SNTG1: variants seen among roughly 807,000 people sequenced by gnomAD.
SNTG1 encodes syntrophin gamma 1, also known as gamma-1-syntrophin.
SNTG1 carries 39 observed loss-of-function variants against 74.7 expected under a neutral mutation model. The ratio of observed to expected loss-of-function variants is 0.52; its 90% confidence interval spans 0.40 to 0.68. SNTG1 has a LOEUF of 0.68. Among genes scored for constraint, SNTG1 ranks in the 30% least tolerant of loss-of-function variants. The pLI is 0.00. For synonymous variants in SNTG1, 254 were observed against 217.1 expected (o/e 1.17, Z -1.49); for missense variants, 685 against 609.5 (o/e 1.12, Z -1.30).
intron 8 of SNTG1, among the ~76,000 whole-genome samples, chr8:50,501,994 T>C (rs1248789940): frequency 1.3e-5 from 2 of 152,258 alleles, no homozygotes; most frequent in East Asian, 3.9e-4. Flanking sequence ...CTTGTTCTTT[T>C]AATTTTTTTT....
intron 13 of SNTG1, among the ~76,000 whole-genome samples, chr8:50,652,481 T>A (rs1471758227): frequency 6.6e-6 from 1 of 152,074 alleles, no homozygotes; most frequent in African/African-American, 2.4e-5. Flanking sequence ...GTTCCATCCG[T>A]TTTTCATTTT....
At chr8:50,104,769 T>C (rs1405124956) in intron 1 of SNTG1, among the ~76,000 whole-genome samples, 1 of 152,196 alleles carries the variant, frequency 6.6e-6, no homozygotes, top group Non-Finnish European at 1.5e-5. Context: ...TGTGTCTTTG[T>C]TCTTGTTGGT....
At chr8:50,288,074 G>A (rs975506326) in intron 2 of SNTG1, among the ~76,000 whole-genome samples, 1 of 152,074 alleles carries the variant, frequency 6.6e-6, no homozygotes, top group African/African-American at 2.4e-5. Context: ...ATACCAGGAT[G>A]CACTCACTTA....
At chr8:50,612,333 A>T (rs2094856406) in intron 13 of SNTG1, among the ~76,000 whole-genome samples, 1 of 152,074 alleles carries the variant, frequency 6.6e-6, no homozygotes, top group Non-Finnish European at 1.5e-5. Context: ...CTTTAGATCT[A>T]GTAGAATCCT....
At chr8:50,460,730 A>G (rs960340395) in intron 8 of SNTG1, among the ~76,000 whole-genome samples, 2 of 152,094 alleles carry the variant, frequency 1.3e-5, no homozygotes, top group African/African-American at 2.4e-5. Flanking sequence ...AGCACCATTT[A>G]TTGAATAGGG....
At chr8:49,961,466 T>C (rs980308159) in intron 1 of SNTG1, among the ~76,000 whole-genome samples, 1 of 152,244 alleles carries the variant, frequency 6.6e-6, no homozygotes, top group Non-Finnish European at 1.5e-5. Flanking sequence ...AACATAATCA[T>C]TCTTGCATCC....
intron 1 of SNTG1, among the ~76,000 whole-genome samples, chr8:49,984,285 A>G (rs183216748): frequency 2.0e-5 from 3 of 151,752 alleles, no homozygotes; most frequent in African/African-American, 7.3e-5. Flanking sequence ...GGCTCACTGC[A>G]TCTTCCGCCT....
At chr8:49,918,153 G>A (rs1031950548) in intron 1 of SNTG1, among the ~76,000 whole-genome samples, 1 of 152,040 alleles carries the variant, frequency 6.6e-6, no homozygotes, top group African/African-American at 2.4e-5. Context: ...TGATGAAAAG[G>A]TTCATCTTAA....
At chr8:49,961,945 G>C (rs548491438) in intron 1 of SNTG1, among the ~76,000 whole-genome samples, 1 of 152,182 alleles carries the variant, frequency 6.6e-6, no homozygotes, top group Non-Finnish European at 1.5e-5. Context: ...TTACAAAAGG[G>C]ATTTGTAATT....
chr8:50,701,514 T>C (rs1352748026), intron 15 of SNTG1, among the ~76,000 whole-genome samples: 1 of 152,166 alleles, frequency 6.6e-6, no homozygotes, highest in Admixed American at 6.5e-5. Flanking sequence ...TTTCAGCCAC[T>C]GTTTAAAATT....
chr8:49,983,147 A>G (rs1563429778), intron 1 of SNTG1, among the ~76,000 whole-genome samples: 3 of 152,152 alleles, frequency 2.0e-5, no homozygotes, highest in South Asian at 2.1e-4. Context: ...TAGTTATGCA[A>G]TCATTTTGAT....
chr8:50,424,693 A>C (rs2093139741), intron 4 of SNTG1, among the ~76,000 whole-genome samples: 1 of 152,234 alleles, frequency 6.6e-6, no homozygotes, highest in Non-Finnish European at 1.5e-5. Context: ...TAAAAATCAC[A>C]CTATCTTATG....
rs985137721 is a variant in SNTG1 at position 49,983,658 on chromosome 8, A to G, written c.-103+71427A>G. Reference sequence around the variant, plus strand: ...CCTGACTTACCAGCTGAAGGCCAACATGGGTCCTTGTCAGTCACAGCAACC... The same window carrying G: ...CCTGACTTACCAGCTGAAGGCCAACGTGGGTCCTTGTCAGTCACAGCAACC... On this transcript the variant is annotated intron_variant, in intron 1 of 18. Coordinates refer to ENST00000642720, the MANE Select transcript of SNTG1 (RefSeq NM_018967.5). 2.6e-5 allele frequency among the ~76,000 whole-genome samples: 4 copies of G among 152,176 alleles called. No individual in the cohort carries two copies. In the East Asian group the frequency reaches 5.8e-4, roughly 22 times the overall value.
At chr8:50,482,390 G>A (rs776680304) in intron 8 of SNTG1, among the ~76,000 whole-genome samples, 2 of 152,084 alleles carry the variant, frequency 1.3e-5, no homozygotes, top group Admixed American at 6.5e-5. Flanking sequence ...CCCCGTCCCC[G>A]CCTACTTACC....
chr8:50,788,286 T>G (rs2095681510), intron 18 of SNTG1, among the ~76,000 whole-genome samples: 1 of 152,044 alleles, frequency 6.6e-6, no homozygotes, highest in African/African-American at 2.4e-5. Flanking sequence ...AACATAATAA[T>G]GCTATTAAGC....
chr8:50,428,410 T>A (rs1587591761), intron 4 of SNTG1, among the ~76,000 whole-genome samples: 1 of 152,212 alleles, frequency 6.6e-6, no homozygotes, highest in South Asian at 2.1e-4. Context: ...CACCACTAAC[T>A]GACCTTGGTA....
intron 1 of SNTG1, among the ~76,000 whole-genome samples, chr8:49,914,122 A>G (rs534048643): frequency 1.3e-5 from 2 of 152,036 alleles, no homozygotes; most frequent in East Asian, 1.9e-4. Flanking sequence ...CTTAATGCCT[A>G]CCAATGCTAA....
intron 13 of SNTG1, among the ~76,000 whole-genome samples, chr8:50,593,667 A>G (rs2094707194): frequency 6.6e-6 from 1 of 151,220 alleles, no homozygotes; most frequent in Non-Finnish European, 1.5e-5. Flanking sequence ...TTTTCTATGC[A>G]TCTGGAACAC....
chr8:50,570,226 T>TTTTTTTTTTATTTTATTTTATTTTA (rs1292746908), intron 12 of SNTG1, among the ~76,000 whole-genome samples: 4 of 46,848 alleles, frequency 8.5e-5, no homozygotes, highest in African/African-American at 1.5e-4. Flanking sequence ...GGTGGTTCTA[T>TTTTTTTTTTATTTTATTTTATTTTA]TTTTATTTTA....
Sources: gnomAD v4.1 joint callset for allele counts (sites outside exome capture counted in the v4.1 genomes callset) on GRCh38, gnomAD v4.1.1 for gene constraint, MANE v1.5 for transcripts, NCBI Gene and HGNC (gene_info 2026-07-23, HGNC 2026-07-21) for gene names.